Variants in WWOX observed in about 807,000 individuals in gnomAD.
WWOX encodes WW domain containing oxidoreductase, also known as WW domain-containing oxidoreductase.
WWOX carries 69 observed loss-of-function variants against 46.2 expected under a neutral mutation model. The ratio of observed to expected loss-of-function variants is 1.49; its 90% confidence interval spans 1.23 to 1.82. The LOEUF is 1.82. WWOX is among the 40% of genes most tolerant of loss of function. The pLI is 0.00. For missense variants in WWOX, 919 were observed against 542.6 expected, an observed-to-expected ratio of 1.69 and a Z score of -6.89; for synonymous variants, 359 against 202.6, an observed-to-expected ratio of 1.77 and a Z score of -6.56.
chr16:78,536,342 T>G (rs2043758600), intron 8 of WWOX, among the ~76,000 whole-genome samples: 1 of 151,630 alleles, frequency 6.6e-6, no homozygotes, highest in Admixed American at 6.6e-5. Context: ...TCCTGAAGGG[T>G]GTGATCAGTT....
intron 8 of WWOX, among the ~76,000 whole-genome samples, chr16:79,147,698 C>T (rs1448130984): frequency 1.3e-5 from 2 of 152,114 alleles, no homozygotes; most frequent in East Asian, 1.9e-4. Flanking sequence ...TTTACATTTC[C>T]ACCAGCATTT....
intron 8 of WWOX, among the ~76,000 whole-genome samples, chr16:79,198,924 A>G (rs1010158719): frequency 3.3e-5 from 5 of 152,146 alleles, no homozygotes; most frequent in African/African-American, 9.7e-5. Flanking sequence ...TGCTGTGGAC[A>G]TGTTCCTATT....
intron 5 of WWOX, among the ~76,000 whole-genome samples, chr16:78,193,911 A>G (rs2044606049): frequency 6.6e-6 from 1 of 150,506 alleles, no homozygotes; most frequent in South Asian, 2.1e-4. Context: ...GGACTCTCGC[A>G]CTGTCGCCCA....
chr16:79,005,126 A>G (rs151159785), intron 8 of WWOX, among the ~76,000 whole-genome samples: 22 of 152,256 alleles, frequency 1.4e-4, no homozygotes, highest in Non-Finnish European at 2.4e-4. Context: ...CTGAGTCTCC[A>G]TGTGGCTTTC....
intron 6 of WWOX, among the ~76,000 whole-genome samples, chr16:78,422,874 C>T (rs1286249725): frequency 3.6e-5 from 5 of 140,220 alleles, no homozygotes; most frequent in East Asian, 2.0e-4. Flanking sequence ...CACACACACA[C>T]ACACACACAC....
chr16:78,804,244 A>G (rs1167845607), intron 8 of WWOX, among the ~76,000 whole-genome samples: 2 of 152,080 alleles, frequency 1.3e-5, no homozygotes, highest in African/African-American at 2.4e-5. Flanking sequence ...CGCCCTCACT[A>G]ATAAATTCTG....
At chr16:78,997,702 C>G (rs903876841) in intron 8 of WWOX, among the ~76,000 whole-genome samples, 1 of 152,018 alleles carries the variant, frequency 6.6e-6, no homozygotes, top group Non-Finnish European at 1.5e-5. Context: ...CCTCCTACCC[C>G]TCTTTCTTTG....
chr16:78,288,098 T>A (rs1336273235), intron 5 of WWOX, among the ~76,000 whole-genome samples: 2 of 152,202 alleles, frequency 1.3e-5, no homozygotes, highest in African/African-American at 2.4e-5. Context: ...ATGATTTTTT[T>A]AATGCCTGCT....
At chr16:79,008,200 C>G (rs921309179) in intron 8 of WWOX, among the ~76,000 whole-genome samples, 3 of 152,162 alleles carry the variant, frequency 2.0e-5, no homozygotes, top group African/African-American at 4.8e-5. Context: ...AGAGGCTATT[C>G]TCAGGCTCTC....
intron 8 of WWOX, among the ~76,000 whole-genome samples, chr16:78,705,834 T>G (rs1235617521): frequency 6.6e-6 from 1 of 152,186 alleles, no homozygotes; most frequent in Non-Finnish European, 1.5e-5. Flanking sequence ...CCTATTCCTA[T>G]TCCTACAATT....
chr16:78,407,302 G>T (rs900472638), intron 6 of WWOX, among the ~76,000 whole-genome samples: 1 of 152,170 alleles, frequency 6.6e-6, no homozygotes, highest in Non-Finnish European at 1.5e-5. Flanking sequence ...TTGCAGCTTA[G>T]TTGAGAAATG....
At chr16:79,118,974 T>A (rs1421775987) in intron 8 of WWOX, among the ~76,000 whole-genome samples, 1 of 152,238 alleles carries the variant, frequency 6.6e-6, no homozygotes, top group African/African-American at 2.4e-5. Context: ...AGGAGTGTTG[T>A]GATAAACATC....
chr16:78,983,710 T>A (rs767202961), intron 8 of WWOX, among the ~76,000 whole-genome samples: 4 of 152,114 alleles, frequency 2.6e-5, no homozygotes, highest in Non-Finnish European at 4.4e-5. Context: ...GTGGAGCACA[T>A]CTCCTTCTGG....
intron 8 of WWOX, among the ~76,000 whole-genome samples, chr16:78,492,798 G>A (rs947487069): frequency 1.3e-5 from 2 of 152,142 alleles, no homozygotes; most frequent in Non-Finnish European, 2.9e-5. Flanking sequence ...ACCATTTGTA[G>A]CCTTTTGACA....
chr16:78,314,827 C>T (rs1398233315), intron 5 of WWOX, among the ~76,000 whole-genome samples: 1 of 149,638 alleles, frequency 6.7e-6, no homozygotes, highest in Non-Finnish European at 1.5e-5. Context: ...GCTGGGATTA[C>T]AGGCATGAGC....
intron 8 of WWOX, among the ~76,000 whole-genome samples, chr16:78,690,568 G>A (rs1337576974): frequency 1.3e-5 from 2 of 152,068 alleles, no homozygotes; most frequent in Non-Finnish European, 2.9e-5. Context: ...AAAAAAAGAA[G>A]AAGAAATGTT....
intron 8 of WWOX, among the ~76,000 whole-genome samples, chr16:78,737,938 A>T (rs2049128513): frequency 6.6e-6 from 1 of 152,038 alleles, no homozygotes; most frequent in African/African-American, 2.4e-5. Context: ...TTATTGTTTT[A>T]ATCAATTTTC....
intron 8 of WWOX, among the ~76,000 whole-genome samples, chr16:78,777,680 C>T (rs189893140): frequency 8.1e-4 from 123 of 152,242 alleles, no homozygotes; most frequent in African/African-American, 2.5e-3. Flanking sequence ...AGTTCCAAGC[C>T]TTTACCTAAA....
intron 8 of WWOX, among the ~76,000 whole-genome samples, chr16:78,458,551 A>G (rs1316167189): frequency 2.6e-5 from 4 of 152,134 alleles, no homozygotes; most frequent in South Asian, 2.1e-4. Context: ...ACAAGCCACC[A>G]TGTCAGGCCA....
Sources: allele counts gnomAD v4.1 joint callset (sites outside exome capture counted in the v4.1 genomes callset), GRCh38; gene constraint gnomAD v4.1.1; transcripts MANE v1.5; gene names NCBI Gene and HGNC (gene_info 2026-07-23, HGNC 2026-07-21).